Variants in GPC5 observed in about 807,000 individuals in gnomAD.
The protein encoded by GPC5 is glypican 5, also known as glypican-5.
A neutral mutation model predicts 53.9 loss-of-function variants in GPC5; 47 were observed. The observed-to-expected ratio is 0.87, with a 90% CI of 0.69 to 1.11. The LOEUF (loss-of-function observed/expected upper bound fraction) is 1.11, where lower values mean the gene tolerates loss of function less well. Among genes scored for constraint, GPC5 ranks in the 50% most tolerant of loss-of-function variants. The pLI, the probability that GPC5 is intolerant of heterozygous loss-of-function variation, is 0.00. For missense variants in GPC5, 748 were observed against 713.1 expected (o/e 1.05, Z -0.56); for synonymous variants, 286 against 263.3 (o/e 1.09, Z -0.84).
intron 5 of GPC5, among the ~76,000 whole-genome samples, chr13:91,834,301 G>A (rs1212244840): frequency 1.3e-5 from 2 of 152,060 alleles, no homozygotes; most frequent in African/African-American, 4.8e-5. Flanking sequence ...AATTTATATC[G>A]TGAAAAGGGC....
chr13:91,994,050 C>A lies in GPC5; in HGVS notation c.1401+85993C>A, dbSNP rs991359468. Among the ~76,000 whole-genome samples the A allele has an allele frequency of 9.9e-5, 15 of 152,272 alleles. 1 individual carries two copies. The South Asian group carries it at 2.9e-3, about 29-fold the overall frequency. On this transcript the variant is annotated intron_variant, in intron 6 of 7. Transcript: ENST00000377067. Reference sequence around the variant, plus strand: ...ACACAGAAACCAGGGAACTGCCTAACGTTGAGATGTTTTACTGAATCTTTG... The same window carrying A: ...ACACAGAAACCAGGGAACTGCCTAAAGTTGAGATGTTTTACTGAATCTTTG...
At chr13:91,791,512 C>T (rs562061790) in intron 5 of GPC5, among the ~76,000 whole-genome samples, 1 of 152,286 alleles carries the variant, frequency 6.6e-6, no homozygotes, top group African/African-American at 2.4e-5. Flanking sequence ...AGTATGAGAT[C>T]TGAGATCAGG....
intron 2 of GPC5, among the ~76,000 whole-genome samples, chr13:91,506,152 G>C (rs193163636): frequency 2.0e-5 from 3 of 151,920 alleles, no homozygotes; most frequent in Non-Finnish European, 4.4e-5. Context: ...TTAAGTCAAG[G>C]TTTTCTGATT....
At position 92,834,329 on chromosome 13, in the gene GPC5, A is replaced by T. The variant is rs371894328; in HGVS notation, c.1562-31953A>T. Among the ~76,000 whole-genome samples the T allele has an allele frequency of 1.2e-4, 19 of 152,310 alleles. No homozygotes were observed. The South Asian group carries it at 3.7e-3, about 30-fold the overall frequency. ...CCAACCTGTTAAAAAATGGTAATTT[A>T]TAAGATTTTAAAAGCGGAACTGAAG... On this transcript the variant is annotated intron_variant, in intron 7 of 7. Transcript: ENST00000377067.
At chr13:92,591,219 T>A (rs1318354033) in intron 7 of GPC5, among the ~76,000 whole-genome samples, 1 of 152,156 alleles carries the variant, frequency 6.6e-6, no homozygotes, top group African/African-American at 2.4e-5. Context: ...TGGAAAAATG[T>A]CTCATCTCAA....
chr13:92,175,560 C>T (rs747865035), intron 7 of GPC5, among the ~76,000 whole-genome samples: 52 of 152,074 alleles, frequency 3.4e-4, no homozygotes, highest in South Asian at 4.2e-4. Flanking sequence ...AGTTGGTGGG[C>T]GCCCCTTTGG....
At chr13:91,876,137 C>T (rs891191124) in intron 5 of GPC5, among the ~76,000 whole-genome samples, 4 of 152,208 alleles carry the variant, frequency 2.6e-5, no homozygotes, top group Non-Finnish European at 5.9e-5. Flanking sequence ...ATTCTGAGGC[C>T]TCCCCAGTCT....
chr13:91,749,793 A>G (rs965272171), intron 4 of GPC5, among the ~76,000 whole-genome samples: 2 of 152,224 alleles, frequency 1.3e-5, no homozygotes, highest in Non-Finnish European at 2.9e-5. Context: ...TAAATGGGTT[A>G]GTATTTTAAA....
chr13:92,466,195 A>C (rs200523535), intron 7 of GPC5, among the ~76,000 whole-genome samples: 1 of 113,624 alleles, frequency 8.8e-6, no homozygotes, highest in African/African-American at 3.5e-5. Context: ...TAAAAATATA[A>C]ATATAGTAGT....
intron 7 of GPC5, among the ~76,000 whole-genome samples, chr13:92,189,553 GT>G (rs2042208525): frequency 6.6e-6 from 1 of 151,984 alleles, no homozygotes; most frequent in Admixed American, 6.6e-5. Flanking sequence ...GTTTACTTCA[GT>G]TTCTTTTACA....
At chr13:92,658,835 A>G (rs891907678) in intron 7 of GPC5, among the ~76,000 whole-genome samples, 11 of 151,820 alleles carry the variant, frequency 7.2e-5, no homozygotes, top group African/African-American at 2.7e-4. Flanking sequence ...CAAGGCATCA[A>G]GGTTGAATTA....
intron 7 of GPC5, among the ~76,000 whole-genome samples, chr13:92,693,934 A>G (rs576434570): frequency 6.6e-6 from 1 of 152,300 alleles, no homozygotes; most frequent in East Asian, 1.9e-4. Context: ...AAATGATTTC[A>G]TGGGTCAGGC....
chr13:91,864,901 C>CTTTT (rs71705146), intron 5 of GPC5, among the ~76,000 whole-genome samples: 5 of 138,588 alleles, frequency 3.6e-5, no homozygotes, highest in Middle Eastern at 7.9e-3. Context: ...AATTTTCTTT[C>CTTTT]TTTTTTTTTT....
rs923317925 is a variant in GPC5 at position 91,739,273 on chromosome 13, C to G, written c.1154+10608C>G. 3.3e-5 allele frequency among the ~76,000 whole-genome samples: 5 copies of G among 151,318 alleles called. No individual in the cohort carries two copies. In the South Asian group the frequency reaches 1.0e-3, roughly 31 times the overall value. ...GTGCTGCTGTTGGCCCTACTCATATCCTCTTCACCTGGCCCTTTTACCTGC... is the reference window on the plus strand; with the variant it reads ...GTGCTGCTGTTGGCCCTACTCATATGCTCTTCACCTGGCCCTTTTACCTGC... On this transcript the variant is annotated intron_variant, in intron 4 of 7. Coordinates refer to ENST00000377067, the MANE Select transcript of GPC5 (RefSeq NM_004466.6).
intron 2 of GPC5, among the ~76,000 whole-genome samples, chr13:91,505,917 A>C (rs1884913289): frequency 6.6e-6 from 1 of 152,198 alleles, no homozygotes. Flanking sequence ...CCAAGGTTTT[A>C]AGCAGTTTAA....
At chr13:91,537,880 T>A (rs1407138980) in intron 2 of GPC5, among the ~76,000 whole-genome samples, 2 of 152,214 alleles carry the variant, frequency 1.3e-5, no homozygotes, top group East Asian at 3.8e-4. Flanking sequence ...CGTAGATACA[T>A]ACACAGGAGA....
At chr13:91,703,158 C>T (rs1213978854) in intron 3 of GPC5, among the ~76,000 whole-genome samples, 1 of 151,866 alleles carries the variant, frequency 6.6e-6, no homozygotes, top group Non-Finnish European at 1.5e-5. Flanking sequence ...TATTTGGATG[C>T]CTTTTATTGA....
chr13:92,035,931 T>A (rs1314363047), intron 6 of GPC5, among the ~76,000 whole-genome samples: 1 of 152,178 alleles, frequency 6.6e-6, no homozygotes, highest in Non-Finnish European at 1.5e-5. Flanking sequence ...GTTTATCACC[T>A]TTTCCACAAA....
intron 7 of GPC5, among the ~76,000 whole-genome samples, chr13:92,545,771 G>GT (rs1296904645): frequency 6.6e-6 from 1 of 151,970 alleles, no homozygotes; most frequent in Non-Finnish European, 1.5e-5. Context: ...GGGGTTGTTT[G>GT]TTTTTTTCTT....
Sources: gnomAD v4.1 joint callset for allele counts (sites outside exome capture counted in the v4.1 genomes callset) on GRCh38, gnomAD v4.1.1 for gene constraint, MANE v1.5 for transcripts, NCBI Gene and HGNC (gene_info 2026-07-23, HGNC 2026-07-21) for gene names.